The following ACVR1C variants were observed in gnomAD, a reference collection of about 807,000 sequenced individuals.
ACVR1C encodes activin A receptor type 1C, also known as activin receptor type-1C.
Under a neutral mutation model 57.9 loss-of-function variants are expected in ACVR1C, and 23 were observed. The ratio of observed to expected loss-of-function variants is 0.40; its 90% CI spans 0.29 to 0.56. ACVR1C has a LOEUF of 0.56. ACVR1C is among the 20% of genes least tolerant of loss of function. The pLI, the probability that ACVR1C is intolerant of heterozygous loss-of-function variation, is 0.50. For synonymous variants in ACVR1C, 214 were observed against 215.3 expected (o/e 0.99, Z 0.05); for missense variants, 480 against 607.9 (o/e 0.79, Z 2.21).
At chr2:157,541,279 A>C in intron 6 of ACVR1C, 65 bp from the exon 7 acceptor site, 1 of 1,516,866 alleles carries the variant, frequency 6.6e-7, no homozygotes, top group Non-Finnish European at 8.9e-7. Context: ...AAACAATCTT[A>C]ATAAATTAAG....
chr2:157,552,611 C>T (rs1283501139), intron 3 of ACVR1C, among the ~76,000 whole-genome samples: 1 of 152,168 alleles, frequency 6.6e-6, no homozygotes, highest in South Asian at 2.1e-4. Flanking sequence ...ACCAGCACTA[C>T]CCAAAACACA....
At chr2:157,598,766 T>C (rs936956532) in intron 1 of ACVR1C, among the ~76,000 whole-genome samples, 11 of 152,050 alleles carry the variant, frequency 7.2e-5, no homozygotes, top group African/African-American at 2.7e-4. Context: ...CTTGAACTCC[T>C]GACCTCAAAT....
chr2:157,621,881 C>T (rs147016708), intron 1 of ACVR1C, among the ~76,000 whole-genome samples: 5 of 152,198 alleles, frequency 3.3e-5, no homozygotes, highest in Non-Finnish European at 7.4e-5. Flanking sequence ...TATCCTTGGG[C>T]TATTTAGTTG....
intron 4 of ACVR1C, among the ~76,000 whole-genome samples, 160 bp downstream of exon 4, chr2:157,550,002 C>CAA (rs34150063): frequency 3.3e-4 from 30 of 91,864 alleles, no homozygotes; most frequent in Middle Eastern, 5.2e-3. Context: ...GATTACGTCT[C>CAA]AAAAAAAAAA....
chr2:157,543,591 C>T (rs1674210838), intron 5 of ACVR1C, among the ~76,000 whole-genome samples: 1 of 152,164 alleles, frequency 6.6e-6, no homozygotes, highest in Non-Finnish European at 1.5e-5. Context: ...AGATAAGCTA[C>T]ATACACAAAA....
chr2:157,550,099 TGAGACA>T, intron 4 of ACVR1C, 57 bp downstream of exon 4: 1 of 1,437,070 alleles, frequency 7.0e-7, no homozygotes, highest in Admixed American at 1.9e-5. Flanking sequence ...ATTTTTTTTT[TGAGACA>T]GAGTCTCGCT....
At chr2:157,535,442 T>C (rs1687458638) in intron 8 of ACVR1C, among the ~76,000 whole-genome samples, 1 of 152,106 alleles carries the variant, frequency 6.6e-6, no homozygotes, top group Admixed American at 6.6e-5. Flanking sequence ...ATAAAATATA[T>C]TTTTAAAAGG....
intron 1 of ACVR1C, chr2:157,597,247 C>G: frequency 1.4e-6 from 1 of 733,780 alleles, no homozygotes; most frequent in Non-Finnish European, 1.7e-6. Flanking sequence ...ACTTTGTCAA[C>G]GGGTTTGGTA....
intron 1 of ACVR1C, among the ~76,000 whole-genome samples, chr2:157,607,339 T>A (rs571560841): frequency 6.6e-6 from 1 of 151,474 alleles, no homozygotes; most frequent in African/African-American, 2.4e-5. Context: ...TTTTTTTATA[T>A]TTCTGTGAAA....
At chr2:157,542,639 CAT>C in intron 6 of ACVR1C, 65 bp downstream of exon 6, 3 of 1,532,488 alleles carry the variant, frequency 2.0e-6, no homozygotes, top group Admixed American at 1.9e-5. Flanking sequence ...CCTCCACACA[CAT>C]GAGGACATTC....
chr2:157,622,014 G>A, intron 1 of ACVR1C, among the ~76,000 whole-genome samples: 1 of 152,122 alleles, frequency 6.6e-6, no homozygotes, highest in Admixed American at 6.6e-5. Flanking sequence ...AACTGAAGAT[G>A]AGACTCAGCA....
At chr2:157,540,353 T>C (rs966649427) in intron 7 of ACVR1C, among the ~76,000 whole-genome samples, 8 of 152,130 alleles carry the variant, frequency 5.3e-5, no homozygotes, top group Non-Finnish European at 1.2e-4. Flanking sequence ...CTTCCTCTCA[T>C]TATTAAGTAC....
intron 2 of ACVR1C, among the ~76,000 whole-genome samples, chr2:157,581,668 G>C (rs1439478123): frequency 6.6e-6 from 1 of 152,168 alleles, no homozygotes; most frequent in Non-Finnish European, 1.5e-5. Flanking sequence ...CCACCATCTG[G>C]GGTGACTGAT....
intron 8 of ACVR1C, among the ~76,000 whole-genome samples, chr2:157,536,344 A>T (rs1687487722): frequency 6.6e-6 from 1 of 152,224 alleles, no homozygotes; most frequent in Admixed American, 6.5e-5. Context: ...AACCAGAGAC[A>T]TCTATACTGA....
At chr2:157,604,467 T>A (rs1682350058) in intron 1 of ACVR1C, among the ~76,000 whole-genome samples, 1 of 152,060 alleles carries the variant, frequency 6.6e-6, no homozygotes, top group Non-Finnish European at 1.5e-5. Context: ...CATTTGTTTA[T>A]CCATTCATCA....
chr2:157,610,326 T>A (rs1041984513), intron 1 of ACVR1C, among the ~76,000 whole-genome samples: 8 of 152,148 alleles, frequency 5.3e-5, no homozygotes, highest in African/African-American at 1.9e-4. Flanking sequence ...ATAGTTTTCT[T>A]GTGTATCAAT....
chr2:157,554,274 AGGAAGGAAGAGAGAGAG>A (rs1324470995), intron 3 of ACVR1C, among the ~76,000 whole-genome samples: 221 of 138,880 alleles, frequency 1.6e-3, no homozygotes, highest in East Asian at 4.7e-3. Context: ...AAAGAAAGGA[AGGAAGGAAGAGAGAGAG>A]AGAGAGAAAG....
intron 2 of ACVR1C, among the ~76,000 whole-genome samples, chr2:157,559,930 A>C (rs1688197088): frequency 6.6e-6 from 1 of 151,390 alleles, no homozygotes. Flanking sequence ...GGAAGGAAAA[A>C]GGAAAGAGAG....
intron 1 of ACVR1C, among the ~76,000 whole-genome samples, chr2:157,592,521 A>G (rs1305818668): frequency 2.0e-5 from 3 of 152,102 alleles, no homozygotes; most frequent in African/African-American, 7.2e-5. Context: ...CATCTGCTAC[A>G]TGTTCCCATT....
Sources: gnomAD v4.1 joint callset for allele counts (sites outside exome capture counted in the v4.1 genomes callset) on GRCh38, gnomAD v4.1.1 for gene constraint, MANE v1.5 for transcripts, NCBI Gene and HGNC (gene_info 2026-07-23, HGNC 2026-07-21) for gene names.